SYN3: variants seen among roughly 807,000 people sequenced by gnomAD.
SYN3 encodes synapsin-3.
A neutral mutation model predicts 65.8 loss-of-function variants in SYN3; 35 were observed. That is an observed-to-expected ratio of 0.53 (90% CI 0.41 to 0.70). SYN3 has a LOEUF of 0.70. Ranked by LOEUF, SYN3 falls within the 30% of genes least tolerant of loss-of-function variation. The pLI, the probability that SYN3 is intolerant of heterozygous loss-of-function variation, is 0.00. For missense variants in SYN3, 680 were observed against 749.0 expected (o/e 0.91, Z 1.08); for synonymous variants, 270 against 292.9 (o/e 0.92, Z 0.80).
intron 6 of SYN3, among the ~76,000 whole-genome samples, chr22:32,833,497 A>G (rs1235341218): frequency 1.3e-5 from 2 of 152,202 alleles, no homozygotes; most frequent in African/African-American, 4.8e-5. Flanking sequence ...TGGGCAGTTT[A>G]ACCTTGGGAT....
chr22:32,989,411 C>T (rs1276264508), intron 2 of SYN3, among the ~76,000 whole-genome samples: 2 of 152,134 alleles, frequency 1.3e-5, no homozygotes, highest in Non-Finnish European at 2.9e-5. Flanking sequence ...TTTCTCTCTC[C>T]AAGAGGAGGT....
At chr22:32,576,446 C>T (rs1465879247) in intron 7 of SYN3, among the ~76,000 whole-genome samples, 1 of 152,182 alleles carries the variant, frequency 6.6e-6, no homozygotes, top group African/African-American at 2.4e-5. Flanking sequence ...CGCACATGAA[C>T]TACGAAGCAC....
intron 4 of SYN3, among the ~76,000 whole-genome samples, chr22:32,877,240 C>A (rs115972750): frequency 6.5e-4 from 99 of 152,310 alleles, no homozygotes; most frequent in African/African-American, 2.1e-3. Context: ...CTAATTATAA[C>A]TAAAACACAA....
At chr22:32,569,269 A>ATCTATCTG (rs879291795) in intron 7 of SYN3, among the ~76,000 whole-genome samples, 3,734 of 144,148 alleles carry the variant, frequency 0.026, 79 homozygotes, top group Middle Eastern at 0.048. Context: ...CTATCTATCT[A>ATCTATCTG]TCTATCTATC....
chr22:32,910,036 C>T (rs62234178), intron 4 of SYN3, among the ~76,000 whole-genome samples: 8,058 of 152,192 alleles, frequency 0.053, 253 homozygotes, highest in Middle Eastern at 0.099. Context: ...AAAAACAAGA[C>T]CTTGAAGGAG....
chr22:32,553,627 A>G (rs1355612836), intron 7 of SYN3, among the ~76,000 whole-genome samples: 1 of 152,182 alleles, frequency 6.6e-6, no homozygotes, highest in East Asian at 1.9e-4. Context: ...GTATTATATA[A>G]CAAGGTTAGG....
intron 1 of SYN3, among the ~76,000 whole-genome samples, chr22:33,021,340 G>A (rs2053555867): frequency 6.6e-6 from 1 of 152,162 alleles, no homozygotes; most frequent in African/African-American, 2.4e-5. Flanking sequence ...AATAGACTTT[G>A]GGGGTGTATA....
At chr22:32,979,348 A>G (rs1055255731) in intron 3 of SYN3, among the ~76,000 whole-genome samples, 2 of 152,190 alleles carry the variant, frequency 1.3e-5, no homozygotes, top group Non-Finnish European at 2.9e-5. Flanking sequence ...TATTTGCAAA[A>G]TGAACAAAAA....
At chr22:32,604,571 C>T (rs913233159) in intron 6 of SYN3, among the ~76,000 whole-genome samples, 1 of 140,586 alleles carries the variant, frequency 7.1e-6, no homozygotes, top group East Asian at 2.5e-4. Context: ...CTAGGCCAGT[C>T]CCGTCTCATA....
At position 32,535,056 on chromosome 22, in the gene SYN3, G is replaced by C. The variant is rs376675844; in HGVS notation, c.993-1161C>G. On this transcript the variant is annotated intron_variant, in intron 9 of 13. Transcript: ENST00000358763. ...CCGGGGGCTGACTCCTCATTCCCTC[G>C]AATCCCAGCACAACTCTATGAGGAA... Among the ~76,000 whole-genome samples the C allele has an allele frequency of 2.0e-5, 3 of 152,244 alleles. No homozygotes were observed. The South Asian group carries it at 6.2e-4, about 32-fold the overall frequency.
At chr22:32,571,506 T>A (rs905037594) in intron 7 of SYN3, among the ~76,000 whole-genome samples, 50 of 152,226 alleles carry the variant, frequency 3.3e-4, no homozygotes, top group African/African-American at 1.2e-3. Flanking sequence ...GTGAAGCAAC[T>A]CAGCCTAAGC....
At chr22:32,667,180 T>G (rs1166651723) in intron 6 of SYN3, among the ~76,000 whole-genome samples, 1 of 152,032 alleles carries the variant, frequency 6.6e-6, no homozygotes, top group Non-Finnish European at 1.5e-5. Flanking sequence ...CTTTCATTCC[T>G]TCTCCCTCAC....
chr22:32,876,621 C>T lies in SYN3; in HGVS notation c.462-7496G>A, dbSNP rs555096868. ...AAAAAAAAAAAAAAAGAGCACAGAG[C>T]ATTTTTACAATCAGGAAAAAAACAA... On this transcript the variant is annotated intron_variant, in intron 4 of 13. Transcript: ENST00000358763. Among the ~76,000 whole-genome samples the T allele has an allele frequency of 1.8e-3, 266 of 149,690 alleles. 1 individual carries two copies. Among genetic ancestry groups the T allele is most frequent in the African/African-American group, 6.3e-3 (256 of 40,806 alleles).
chr22:32,923,919 C>T (rs928960085), intron 4 of SYN3, among the ~76,000 whole-genome samples: 10 of 152,084 alleles, frequency 6.6e-5, no homozygotes, highest in Non-Finnish European at 1.3e-4. Flanking sequence ...TTAGCTCCCA[C>T]TTATAAATGA....
At chr22:32,541,549 A>G in intron 8 of SYN3, 22 bp downstream of exon 8, 1 of 1,613,552 alleles carries the variant, frequency 6.2e-7, no homozygotes, top group African/African-American at 1.3e-5. Context: ...ACACTCCCCC[A>G]GCCCCTGCCC....
chr22:33,056,909 C>T (rs892709950), intron 1 of SYN3, among the ~76,000 whole-genome samples: 1 of 152,140 alleles, frequency 6.6e-6, no homozygotes, highest in Non-Finnish European at 1.5e-5. Context: ...GGGAAGGGCA[C>T]ACAGAGGGCT....
At chr22:32,720,828 AC>A (rs2147288679) in intron 6 of SYN3, among the ~76,000 whole-genome samples, 1 of 152,136 alleles carries the variant, frequency 6.6e-6, no homozygotes, top group East Asian at 1.9e-4. Flanking sequence ...TGATTGGAAG[AC>A]CCAGAGCTCA....
rs1602160804 is a variant in SYN3, at chr22:32,793,193, TATTG to T, written c.711+71718_711+71721del. On this transcript the variant is annotated intron_variant, in intron 6 of 13. Coordinates refer to ENST00000358763, the MANE Select transcript of SYN3 (RefSeq NM_003490.4). ...GTTGCAGAGCAGGGAGATGATTATT[TATTG>T]ATTATCTCTCATGGGCCCAGCCTGA... 2.0e-5 allele frequency among the ~76,000 whole-genome samples: 3 copies of T among 152,336 alleles called. No homozygotes were observed. In the East Asian group the frequency reaches 5.8e-4, roughly 29 times the overall value.
chr22:33,032,951 C>G (rs556796571), intron 1 of SYN3, among the ~76,000 whole-genome samples: 1 of 152,130 alleles, frequency 6.6e-6, no homozygotes, highest in Non-Finnish European at 1.5e-5. Flanking sequence ...TGGCCTCAGG[C>G]ACACGTTCTC....
Sources: allele counts gnomAD v4.1 joint callset (sites outside exome capture counted in the v4.1 genomes callset), GRCh38; gene constraint gnomAD v4.1.1; transcripts MANE v1.5; gene names NCBI Gene and HGNC (gene_info 2026-07-23, HGNC 2026-07-21).